NR6A1: variants seen among roughly 807,000 people sequenced by gnomAD.
NR6A1 encodes the protein retinoic acid receptor-related testis-associated receptor.
In NR6A1, 7 loss-of-function variants were observed where a neutral mutation model predicts 59.1. The observed-to-expected ratio is 0.12, with a 90% CI of 0.07 to 0.22. The LOEUF is 0.22. NR6A1 is among the 10% of genes least tolerant of loss of function. The pLI is 1.00. For missense variants in NR6A1, 468 were observed against 611.6 expected (o/e 0.77, Z 2.48); for synonymous variants, 243 against 236.1 (o/e 1.03, Z -0.27).
At chr9:124,751,992 A>G (rs1840513193) in intron 1 of NR6A1, among the ~76,000 whole-genome samples, 1 of 152,186 alleles carries the variant, frequency 6.6e-6, no homozygotes, top group Admixed American at 6.6e-5. Flanking sequence ...ATAAAACAGA[A>G]GGGCAGGATG....
intron 2 of NR6A1, among the ~76,000 whole-genome samples, chr9:124,679,745 A>T (rs923557529): frequency 6.6e-6 from 1 of 151,896 alleles, no homozygotes; most frequent in Admixed American, 6.6e-5. Flanking sequence ...CAAAAAAAAA[A>T]AATTAGCCGG....
chr9:124,536,364 G>A (rs1167995010), intron 6 of NR6A1, among the ~76,000 whole-genome samples: 2 of 152,092 alleles, frequency 1.3e-5, no homozygotes, highest in African/African-American at 4.8e-5. Flanking sequence ...GCTGCTAAGG[G>A]GAAAGGAGAC....
intron 1 of NR6A1, among the ~76,000 whole-genome samples, chr9:124,751,438 C>T (rs1480194094): frequency 2.0e-5 from 3 of 152,136 alleles, no homozygotes; most frequent in African/African-American, 4.8e-5. Context: ...CAATAACATT[C>T]GAAACTCCTG....
chr9:124,564,681 CTG>C (rs56301413), intron 2 of NR6A1, among the ~76,000 whole-genome samples: 125,638 of 149,336 alleles, frequency 0.84, 53,705 homozygotes, highest in Non-Finnish European at 0.93. Flanking sequence ...AATCCACACT[CTG>C]TGTGTGTGTG....
At chr9:124,655,004 T>C (rs985894271) in intron 2 of NR6A1, among the ~76,000 whole-genome samples, 5 of 151,692 alleles carry the variant, frequency 3.3e-5, no homozygotes, top group African/African-American at 1.2e-4. Flanking sequence ...CAAAATAACA[T>C]GTGAAAGAGG....
intron 2 of NR6A1, among the ~76,000 whole-genome samples, chr9:124,649,233 C>CAAA (rs78432505): frequency 0.016 from 628 of 40,180 alleles, 19 homozygotes; most frequent in African/African-American, 0.031. Flanking sequence ...GGTACTGGCA[C>CAAA]AAAAAAAAAA....
intron 2 of NR6A1, among the ~76,000 whole-genome samples, chr9:124,708,572 G>A (rs1276970877): frequency 6.6e-6 from 1 of 152,190 alleles, no homozygotes; most frequent in East Asian, 1.9e-4. Flanking sequence ...GAGGAAGGCA[G>A]AGGTATAAAC....
chr9:124,653,900 C>G (rs1039914596), intron 2 of NR6A1, among the ~76,000 whole-genome samples: 2 of 152,136 alleles, frequency 1.3e-5, no homozygotes, highest in Non-Finnish European at 2.9e-5. Context: ...AAACAGTCAG[C>G]CAACATTATG....
At chr9:124,748,809 G>T (rs544126808) in intron 1 of NR6A1, among the ~76,000 whole-genome samples, 1 of 150,902 alleles carries the variant, frequency 6.6e-6, no homozygotes, top group South Asian at 2.1e-4. Flanking sequence ...AGCTTGCAGT[G>T]AGCTGAGATC....
intron 2 of NR6A1, among the ~76,000 whole-genome samples, chr9:124,669,645 G>A (rs554949345): frequency 2.0e-4 from 30 of 152,282 alleles, no homozygotes; most frequent in Non-Finnish European, 3.7e-4. Flanking sequence ...ACAATCCAAC[G>A]GGATAGATTC....
chr9:124,577,987 ATTT>A (rs1419128731), intron 2 of NR6A1, among the ~76,000 whole-genome samples: 1 of 152,218 alleles, frequency 6.6e-6, no homozygotes, highest in Non-Finnish European at 1.5e-5. Flanking sequence ...CACTAAGAAC[ATTT>A]GCTAAATGAA....
chr9:124,753,086 C>T (rs1014705065), intron 1 of NR6A1, among the ~76,000 whole-genome samples: 4 of 152,292 alleles, frequency 2.6e-5, no homozygotes, highest in Middle Eastern at 3.4e-3. Context: ...CAGTGTTTCC[C>T]AAAGCAAGGA....
chr9:124,576,948 C>T (rs1043341852), intron 2 of NR6A1, among the ~76,000 whole-genome samples: 12 of 152,032 alleles, frequency 7.9e-5, no homozygotes, highest in Admixed American at 4.6e-4. Flanking sequence ...CCCAGGTACT[C>T]GAGAGGCTGA....
At chr9:124,569,421 T>A (rs1834374982) in intron 2 of NR6A1, among the ~76,000 whole-genome samples, 2 of 152,350 alleles carry the variant, frequency 1.3e-5, no homozygotes, top group Middle Eastern at 3.4e-3. Context: ...TTACGCAAAT[T>A]ACATTTGGAA....
chr9:124,642,663 T>A (rs1227080637), intron 2 of NR6A1, among the ~76,000 whole-genome samples: 6 of 152,160 alleles, frequency 3.9e-5, no homozygotes, highest in Non-Finnish European at 8.8e-5. Flanking sequence ...TTCTGGCATA[T>A]AAAGTGACCA....
At chr9:124,640,429 T>G (rs1291440376) in intron 2 of NR6A1, among the ~76,000 whole-genome samples, 1 of 152,080 alleles carries the variant, frequency 6.6e-6, no homozygotes, top group Non-Finnish European at 1.5e-5. Flanking sequence ...TAGAGGAAGG[T>G]TCTCATGTCA....
chr9:124,577,505 A>G (rs1393896579), intron 2 of NR6A1, among the ~76,000 whole-genome samples: 1 of 152,216 alleles, frequency 6.6e-6, no homozygotes, highest in Non-Finnish European at 1.5e-5. Flanking sequence ...TGGATTATGG[A>G]GCCATTAAAT....
At chr9:124,564,659 G>C (rs1391065640) in intron 2 of NR6A1, among the ~76,000 whole-genome samples, 1 of 147,796 alleles carries the variant, frequency 6.8e-6, no homozygotes, top group Non-Finnish European at 1.5e-5. Context: ...GATTCAGTAA[G>C]GTCCCATTCA....
chr9:124,551,956 A>G (rs1833790516), intron 3 of NR6A1, among the ~76,000 whole-genome samples: 1 of 152,194 alleles, frequency 6.6e-6, no homozygotes, highest in Non-Finnish European at 1.5e-5. Context: ...AGACTTCACC[A>G]GGCAACTGGG....
Sources: allele counts gnomAD v4.1 joint callset (sites outside exome capture counted in the v4.1 genomes callset), GRCh38; gene constraint gnomAD v4.1.1; transcripts MANE v1.5; gene names NCBI Gene and HGNC (gene_info 2026-07-23, HGNC 2026-07-21).